OPRD1: variants seen among roughly 807,000 people sequenced by gnomAD.
OPRD1 encodes delta-type opioid receptor.
Under a neutral mutation model 17.5 loss-of-function variants are expected in OPRD1, and 19 were observed. That is an observed-to-expected ratio of 1.09 (90% CI 0.76 to 1.60). The LOEUF (loss-of-function observed/expected upper bound fraction) is 1.60, where lower values mean the gene tolerates loss of function less well. Ranked by LOEUF, OPRD1 falls within the 40% of genes most tolerant of loss-of-function variation. The pLI is 0.00. For missense variants in OPRD1, 483 were observed against 547.2 expected (o/e 0.88, Z 1.17); for synonymous variants, 256 against 240.9 (o/e 1.06, Z -0.58).
intron 1 of OPRD1, among the ~76,000 whole-genome samples, chr1:28,846,690 G>GAAA (rs61593060): frequency 1.8e-5 from 2 of 114,104 alleles, no homozygotes; most frequent in Admixed American, 1.8e-4. Context: ...CTCAAAAAAA[G>GAAA]AAAAAAAAAA....
intron 1 of OPRD1, among the ~76,000 whole-genome samples, chr1:28,848,063 A>G (rs1277206830): frequency 6.6e-6 from 1 of 152,098 alleles, no homozygotes; most frequent in Non-Finnish European, 1.5e-5. Flanking sequence ...TCTGGCCAAG[A>G]TGGTGAAACC....
rs1196638603 is a variant in OPRD1 at position 28,846,821 on chromosome 1, T to TTTTCTTTCTTTCTTTC, written c.228-12121_228-12106dup. ...TTGTATCACATGGAGGCTGTTTGCA[T>TTTTCTTTCTTTCTTTC]TTTCTTTCTTTCTTTCTTTCTTTCT... On this transcript the variant is annotated intron_variant, in intron 1 of 2. Transcript: ENST00000234961. Among the ~76,000 whole-genome samples the TTTTCTTTCTTTCTTTC allele has an allele frequency of 4.9e-3, 503 of 103,590 alleles. 5 individuals are homozygous for TTTTCTTTCTTTCTTTC. Among genetic ancestry groups the TTTTCTTTCTTTCTTTC allele is most frequent in the East Asian group, 0.041 (45 of 1,110 alleles). 68.0% of individuals were successfully genotyped at this position (103,590 alleles called of 152,430 possible).
chr1:28,863,414 C>T lies in OPRD1; in HGVS notation c.*131C>T. The T allele has an allele frequency of 9.1e-7, 1 of 1,092,908 alleles. No individual in the cohort carries two copies. The highest frequency in any genetic ancestry group is 1.2e-6 in the Non-Finnish European group (1 of 816,560). 67.7% of individuals were successfully genotyped at this position (1,092,908 alleles called of 1,614,324 possible). ...GAGGCTTGGGACCGCCAGATGGGGCCTCTGTTTCGGAGACGGGACCGGGCC... is the reference window on the plus strand; with the variant it reads ...GAGGCTTGGGACCGCCAGATGGGGCTTCTGTTTCGGAGACGGGACCGGGCC... On this transcript the variant is annotated 3_prime_UTR_variant, in exon 3 of 3. Transcript: ENST00000234961.
At chr1:28,858,836 A>C in intron 1 of OPRD1, 118 bp from the exon 2 acceptor site, 1 of 988,914 alleles carries the variant, frequency 1.0e-6, no homozygotes, top group East Asian at 2.4e-5. Context: ...GTGAGGCACC[A>C]TGCCTAGCCT....
In OPRD1 at chr1:28,864,036, A is replaced by ACG. The variant is rs2089151052; in HGVS notation, c.*753_*754insCG. ...GTAATCCCAGCACTTTGGGAGGCCGAGGCAGGTGGATGGACATGAGCCCAG... is the reference window on the plus strand; with the variant it reads ...GTAATCCCAGCACTTTGGGAGGCCGACGGGCAGGTGGATGGACATGAGCCCAG... On this transcript the variant is annotated 3_prime_UTR_variant, in exon 3 of 3. Transcript: ENST00000234961. The ACG allele has an allele frequency of 6.6e-6, 1 of 152,648 alleles. No individual in the cohort carries two copies. The highest frequency in any genetic ancestry group is 1.5e-5 in the Non-Finnish European group (1 of 68,430). The allele number at this position is 152,648 out of a possible 1,614,324, so 9.5% of individuals were successfully genotyped here.
At chr1:28,855,781 G>T (rs1191971929) in intron 1 of OPRD1, among the ~76,000 whole-genome samples, 1 of 152,208 alleles carries the variant, frequency 6.6e-6, no homozygotes. Context: ...TCAGCTGTGG[G>T]GTTGAGACCG....
intron 1 of OPRD1, among the ~76,000 whole-genome samples, chr1:28,857,785 G>C (rs1326804870): frequency 6.6e-6 from 1 of 151,992 alleles, no homozygotes; most frequent in African/African-American, 2.4e-5. Context: ...ACTGCACCTG[G>C]CTTAGGATTT....
rs2088645929 is a variant in OPRD1, at chr1:28,813,070, C to CT, written c.227+461dup. 2.6e-5 allele frequency among the ~76,000 whole-genome samples: 4 copies of CT among 152,086 alleles called. No individual in the cohort carries two copies. The South Asian group carries it at 8.3e-4, about 32-fold the overall frequency. On this transcript the variant is annotated intron_variant, in intron 1 of 2. Transcript: ENST00000234961. ...TGCAGGCAGGGCGGACAGGAGGGTG[C>CT]TGGGTGTCAGCACCTCGCCGTGGGG...
At chr1:28,814,676 C>T (rs2088659662) in intron 1 of OPRD1, among the ~76,000 whole-genome samples, 2 of 152,190 alleles carry the variant, frequency 1.3e-5, no homozygotes, top group Non-Finnish European at 2.9e-5. Context: ...GGGGAGGGGA[C>T]TCCCACTGCT....
rs1169377469 is a variant in OPRD1 at position 28,824,179 on chromosome 1, C to CCAAA, written c.227+11569_227+11570insCAAA. On this transcript the variant is annotated intron_variant, in intron 1 of 2. Transcript: ENST00000234961. ...GGGTGACAGAGTGAGAACCTATCTC[C>CCAAA]AAAAAAAAAAAAAAAAAAGCCCCAT... Among the ~76,000 whole-genome samples, 134 of 82,278 alleles carry CCAAA rather than the reference C, an allele frequency of 1.6e-3. 1 individual carries two copies. Among genetic ancestry groups the CCAAA allele is most frequent in the African/African-American group, 4.7e-3 (129 of 27,180 alleles). The allele number at this position is 82,278 out of a possible 152,430, so 54.0% of individuals were successfully genotyped here.
At chr1:28,820,290 G>T (rs1381361740) in intron 1 of OPRD1, among the ~76,000 whole-genome samples, 3 of 151,420 alleles carry the variant, frequency 2.0e-5, no homozygotes, top group South Asian at 4.2e-4. Flanking sequence ...TGCCTTCTGG[G>T]TTCAAGCAAT....
intron 1 of OPRD1, among the ~76,000 whole-genome samples, chr1:28,844,212 A>AT (rs2088920576): frequency 7.1e-6 from 1 of 140,048 alleles, no homozygotes; most frequent in Admixed American, 7.5e-5. Context: ...GTGGTATCTC[A>AT]TTGTGGTTTT....
intron 1 of OPRD1, among the ~76,000 whole-genome samples, chr1:28,839,592 C>T (rs1366135021): frequency 6.6e-6 from 1 of 152,254 alleles, no homozygotes; most frequent in Non-Finnish European, 1.5e-5. Flanking sequence ...AGGGTCAGTG[C>T]GACTGGGTGT....
chr1:28,842,515 T>C (rs1171675570), intron 1 of OPRD1, among the ~76,000 whole-genome samples: 3 of 152,158 alleles, frequency 2.0e-5, no homozygotes, highest in Non-Finnish European at 2.9e-5. Flanking sequence ...GTACAACCAG[T>C]CTCCATCAAA....
chr1:28,866,811 TG>T lies in OPRD1; in HGVS notation c.*3529del, dbSNP rs1457873270. ...CTCTCCAAATCTTCACGTTTCAGAA[TG>T]TACTGTGCATGGTGCATTTTAAAGC... On this transcript the variant is annotated 3_prime_UTR_variant, in exon 3 of 3. Coordinates refer to ENST00000234961, the MANE Select transcript of OPRD1 (RefSeq NM_000911.4). 6.6e-6 allele frequency: 1 copy of T among 152,170 alleles called. No individual in the cohort carries two copies. The highest frequency in any genetic ancestry group is 2.4e-5 in the African/African-American group (1 of 41,430). 9.4% of individuals were successfully genotyped at this position (152,170 alleles called of 1,614,324 possible).
intron 1 of OPRD1, 85 bp downstream of exon 1, chr1:28,812,695 C>G (rs555988543): frequency 1.7e-6 from 2 of 1,207,850 alleles, no homozygotes; most frequent in Admixed American, 7.7e-5. Flanking sequence ...AGCCCGTTCC[C>G]TGGACTCCCC....
chr1:28,821,474 G>A (rs2088711876), intron 1 of OPRD1, among the ~76,000 whole-genome samples: 1 of 151,998 alleles, frequency 6.6e-6, no homozygotes, highest in Non-Finnish European at 1.5e-5. Context: ...CTGGACTCAA[G>A]TGATCCTCCC....
In OPRD1 at chr1:28,862,870, A is replaced by G. The variant is rs777430361; in HGVS notation, c.706A>G (p.Met236Val). 1.9e-6 allele frequency: 3 copies of G among 1,612,618 alleles called. No individual in the cohort carries two copies. Among genetic ancestry groups the G allele is most frequent in the Admixed American group, 1.7e-5 (1 of 60,024 alleles). ...CATCATCACCGTGTGCTATGGCCTCATGCTGCTGCGCCTGCGCAGTGTGCG... is the reference window on the plus strand; with the variant it reads ...CATCATCACCGTGTGCTATGGCCTCGTGCTGCTGCGCCTGCGCAGTGTGCG... The part of the protein sequence containing the change: ...ILIITVCYGL[M>V]LLRLRSVRLL... Residue 236 changes from methionine (M) to valine (V), a missense_variant, in exon 3 of 3, where the codon ATG (methionine) becomes GTG (valine). Transcript: ENST00000234961.
At chr1:28,861,177 G>A (rs2089113279) in intron 2 of OPRD1, among the ~76,000 whole-genome samples, 1 of 152,152 alleles carries the variant, frequency 6.6e-6, no homozygotes, top group South Asian at 2.1e-4. Flanking sequence ...TCTGTCTGTG[G>A]ATCCCCAGCC....
Sources: gnomAD v4.1 joint callset for allele counts (sites outside exome capture counted in the v4.1 genomes callset) on GRCh38, gnomAD v4.1.1 for gene constraint, MANE v1.5 for transcripts, NCBI Gene and HGNC (gene_info 2026-07-23, HGNC 2026-07-21) for gene names.